The following SRGAP3 variants were observed in gnomAD, a reference collection of about 807,000 sequenced individuals.
SRGAP3 encodes the protein SLIT-ROBO Rho GTPase-activating protein 3.
Under a neutral mutation model 121.1 loss-of-function variants are expected in SRGAP3, and 39 were observed. The observed-to-expected ratio is 0.32, with a 90% CI of 0.25 to 0.42. The LOEUF (loss-of-function observed/expected upper bound fraction) is 0.42, where lower values mean the gene tolerates loss of function less well. Ranked by LOEUF, SRGAP3 falls within the 10% of genes least tolerant of loss-of-function variation. SRGAP3 has a pLI of 1.00. For missense variants in SRGAP3, 1,213 were observed against 1,470.6 expected, an observed-to-expected ratio of 0.82 and a Z score of 2.86; for synonymous variants, 601 against 570.0, an observed-to-expected ratio of 1.05 and a Z score of -0.77.
chr3:9,147,832 A>T (rs1446331205), intron 1 of SRGAP3, among the ~76,000 whole-genome samples: 1 of 152,124 alleles, frequency 6.6e-6, no homozygotes, highest in African/African-American at 2.4e-5. Flanking sequence ...CAGAGCCACT[A>T]AAGCAGATGA....
chr3:9,358,558 C>A (rs2030639134), intron 1 of SRGAP3, among the ~76,000 whole-genome samples: 1 of 152,208 alleles, frequency 6.6e-6, no homozygotes, highest in Non-Finnish European at 1.5e-5. Flanking sequence ...CGGACACCAG[C>A]TGTGTGTTCT....
At chr3:9,241,628 A>C (rs1472279654) in intron 1 of SRGAP3, among the ~76,000 whole-genome samples, 2 of 152,218 alleles carry the variant, frequency 1.3e-5, no homozygotes, top group Non-Finnish European at 1.5e-5. Flanking sequence ...GGATGTTATT[A>C]TGAGTTGAAT....
chr3:9,259,661 C>T (rs1954212020), intron 3 of SRGAP3, among the ~76,000 whole-genome samples: 1 of 152,170 alleles, frequency 6.6e-6, no homozygotes, highest in Non-Finnish European at 1.5e-5. Flanking sequence ...CACCCCACCT[C>T]CACTAGACCA....
chr3:9,132,322 C>T (rs1193015926), intron 1 of SRGAP3, among the ~76,000 whole-genome samples: 1 of 152,162 alleles, frequency 6.6e-6, no homozygotes, highest in African/African-American at 2.4e-5. Context: ...TTTTGACAAA[C>T]GTCTAATGTC....
At chr3:9,139,948 T>A (rs1053912181) in intron 1 of SRGAP3, among the ~76,000 whole-genome samples, 4 of 152,172 alleles carry the variant, frequency 2.6e-5, no homozygotes, top group Non-Finnish European at 4.4e-5. Flanking sequence ...ATCAAGCATT[T>A]AATGATCACC....
intron 1 of SRGAP3, chr3:9,193,350 C>G (rs1052632411): frequency 2.6e-5 from 4 of 152,294 alleles, no homozygotes; most frequent in Non-Finnish European, 5.9e-5. Flanking sequence ...ACAGTGATCA[C>G]TAACTGATTG....
At chr3:9,046,119 C>T (rs1465100968) in intron 10 of SRGAP3, among the ~76,000 whole-genome samples, 2 of 149,990 alleles carry the variant, frequency 1.3e-5, no homozygotes, top group Non-Finnish European at 3.0e-5. Flanking sequence ...CCCCCTCCTA[C>T]CCCCTAGTCA....
chr3:9,313,532 A>C (rs922774482), intron 3 of SRGAP3, among the ~76,000 whole-genome samples: 2 of 151,720 alleles, frequency 1.3e-5, no homozygotes, highest in Non-Finnish European at 2.9e-5. Flanking sequence ...CTACTAAAAA[A>C]TACAAAAAAT....
At chr3:9,013,985 T>C (rs1025633033) in intron 15 of SRGAP3, 143 bp from the exon 16 acceptor site, 3 of 768,172 alleles carry the variant, frequency 3.9e-6, no homozygotes, top group Non-Finnish European at 6.8e-6. Flanking sequence ...CAGGTGATCC[T>C]GGCCTGGCCA....
chr3:8,996,263 T>C (rs1942395314), intron 18 of SRGAP3, among the ~76,000 whole-genome samples: 1 of 144,002 alleles, frequency 6.9e-6, no homozygotes, highest in Admixed American at 7.1e-5. Context: ...CTGGTGCACT[T>C]CTAAGGGCCA....
chr3:9,246,621 T>TTG (rs1953833935), intron 1 of SRGAP3, among the ~76,000 whole-genome samples: 1 of 152,148 alleles, frequency 6.6e-6, no homozygotes, highest in East Asian at 1.9e-4. Flanking sequence ...CTACTGTACA[T>TTG]TGTGTGGGCC....
chr3:9,363,027 C>G (rs1383501617), exon 1 of SRGAP3: 2 of 152,340 alleles, frequency 1.3e-5, no homozygotes, highest in Non-Finnish European at 2.9e-5. Flanking sequence ...CACCGTGACT[C>G]GTAGCCTGAC....
intron 1 of SRGAP3, among the ~76,000 whole-genome samples, chr3:9,222,215 G>T (rs1952836592): frequency 6.6e-6 from 1 of 152,206 alleles, no homozygotes; most frequent in South Asian, 2.1e-4. Flanking sequence ...ACACACAGCT[G>T]GGAGCAATGG....
intron 14 of SRGAP3, 55 bp downstream of exon 14, chr3:9,025,206 A>C: frequency 6.3e-7 from 1 of 1,589,178 alleles, no homozygotes; most frequent in East Asian, 2.2e-5. Context: ...ACACACGTGA[A>C]TATTCACCCT....
chr3:9,285,064 A>G (rs1954745197), intron 3 of SRGAP3, among the ~76,000 whole-genome samples: 1 of 152,212 alleles, frequency 6.6e-6, no homozygotes. Flanking sequence ...TAATCAGTGA[A>G]AATCTAGGAA....
At chr3:8,994,792 T>G (rs1349966591) in intron 18 of SRGAP3, among the ~76,000 whole-genome samples, 1 of 152,226 alleles carries the variant, frequency 6.6e-6, no homozygotes, top group East Asian at 1.9e-4. Flanking sequence ...CTTCTTGTTC[T>G]CTACTTTTTA....
Position 9,124,936 on chromosome 3 carries a change from A to C in SRGAP3, c.68-19T>G. ...CGGATCTCTGCGGGCACACAAGGGT[A>C]GGAGCATGAGACTGGTGGTGGGGAC... On this transcript the variant is annotated intron_variant, in intron 1 of 21. Coordinates refer to ENST00000383836, the MANE Select transcript of SRGAP3 (RefSeq NM_014850.4). 1 of 1,613,652 alleles carries C rather than the reference A, an allele frequency of 6.2e-7. No homozygotes were observed. The highest frequency in any genetic ancestry group is 8.5e-7 in the Non-Finnish European group (1 of 1,180,008).
chr3:9,115,618 T>C (rs1948777474), intron 2 of SRGAP3, among the ~76,000 whole-genome samples: 1 of 151,804 alleles, frequency 6.6e-6, no homozygotes, highest in Non-Finnish European at 1.5e-5. Context: ...GAGCCTCCTA[T>C]GTTAAAATCC....
At chr3:9,259,925 C>T (rs1363877647) in intron 3 of SRGAP3, among the ~76,000 whole-genome samples, 1 of 151,736 alleles carries the variant, frequency 6.6e-6, no homozygotes, top group Non-Finnish European at 1.5e-5. Flanking sequence ...AGACGGGTGA[C>T]TTCTGCATTT....
Sources: allele counts gnomAD v4.1 joint callset (sites outside exome capture counted in the v4.1 genomes callset), GRCh38; gene constraint gnomAD v4.1.1; transcripts MANE v1.5; gene names NCBI Gene and HGNC (gene_info 2026-07-23, HGNC 2026-07-21).